GRIN2A: variants seen among roughly 807,000 people sequenced by gnomAD.
The protein encoded by GRIN2A is glutamate receptor ionotropic, NMDA 2A.
In GRIN2A, 22 loss-of-function variants were observed where a neutral mutation model predicts 113.4. The observed-to-expected ratio is 0.19, with a 90% confidence interval of 0.14 to 0.28. GRIN2A has a LOEUF of 0.28. GRIN2A is among the 10% of genes least tolerant of loss of function. GRIN2A has a pLI of 1.00. For missense variants in GRIN2A, 1,502 were observed against 1,887.0 expected, an observed-to-expected ratio of 0.80 and a Z score of 3.78; for synonymous variants, 827 against 738.4, an observed-to-expected ratio of 1.12 and a Z score of -1.94.
intron 2 of GRIN2A, among the ~76,000 whole-genome samples, chr16:9,958,265 A>T (rs1441768982): frequency 6.6e-6 from 1 of 152,192 alleles, no homozygotes; most frequent in Admixed American, 6.5e-5. Context: ...ACCTGAACTT[A>T]CTACTAAATC....
At chr16:9,829,366 GA>G in intron 9 of GRIN2A, 56 bp downstream of exon 9, 1 of 1,095,956 alleles carries the variant, frequency 9.1e-7, no homozygotes, top group Non-Finnish European at 1.4e-6. Flanking sequence ...TCTTCCTCCT[GA>G]AAGGAGAGCA....
rs577724352 is a variant in GRIN2A at position 9,816,727 on chromosome 16, T to C, written c.2168+5537A>G. Among the ~76,000 whole-genome samples, 670 of 152,310 alleles carry C rather than the reference T, an allele frequency of 4.4e-3. 2 individuals carry two copies. The highest frequency in any genetic ancestry group is 8.2e-3 in the Admixed American group (126 of 15,300). The stretch of plus-strand genomic sequence containing the variant: ...CTTCTAGAGTGGATGTTCTTAAAAT[T>C]TGATTAGGGCATATCGGAGTCACCT... On this transcript the variant is annotated intron_variant, in intron 10 of 12. Transcript: ENST00000330684.
In GRIN2A at chr16:9,775,530, G is replaced by A. The variant is rs148110598; in HGVS notation, c.2357-6441C>T. Among the ~76,000 whole-genome samples the A allele has an allele frequency of 4.0e-3, 605 of 152,238 alleles. 2 individuals are homozygous for A. The highest frequency in any genetic ancestry group is 5.7e-3 in the Non-Finnish European group (386 of 68,022). On this transcript the variant is annotated intron_variant, in intron 11 of 12. Coordinates refer to ENST00000330684, the MANE Select transcript of GRIN2A (RefSeq NM_001134407.3). The stretch of plus-strand genomic sequence containing the variant: ...GACAGTCATGAAAACCAGTAGTTAC[G>A]GCAAAATGAGATGATTGGATTTGCA...
At chr16:9,845,709 A>G (rs2042760279) in intron 5 of GRIN2A, among the ~76,000 whole-genome samples, 1 of 152,150 alleles carries the variant, frequency 6.6e-6, no homozygotes, top group African/African-American at 2.4e-5. Flanking sequence ...CTTTGCCCAG[A>G]TATTCACATG....
At chr16:9,820,194 G>C (rs948701942) in intron 10 of GRIN2A, among the ~76,000 whole-genome samples, 1 of 152,090 alleles carries the variant, frequency 6.6e-6, no homozygotes, top group African/African-American at 2.4e-5. Context: ...AACCCATTTT[G>C]TGCTCTGGTT....
chr16:9,787,991 G>T (rs1902335204), intron 11 of GRIN2A, among the ~76,000 whole-genome samples: 1 of 152,168 alleles, frequency 6.6e-6, no homozygotes, highest in Non-Finnish European at 1.5e-5. Flanking sequence ...GTCATCTGGT[G>T]GTCTGTGCCT....
chr16:10,086,196 C>T (rs570873055), intron 2 of GRIN2A, among the ~76,000 whole-genome samples: 7 of 152,148 alleles, frequency 4.6e-5, no homozygotes, highest in Non-Finnish European at 1.0e-4. Flanking sequence ...TGGAGACTCA[C>T]AGCACCTATG....
At chr16:9,800,510 T>C (rs75240294) in intron 10 of GRIN2A, among the ~76,000 whole-genome samples, 4,507 of 152,204 alleles carry the variant, frequency 0.03, 226 homozygotes, top group African/African-American at 0.098. Context: ...TGTGAAACAC[T>C]GCATCTTTTC....
chr16:9,875,914 CT>C (rs1461367228), intron 4 of GRIN2A, among the ~76,000 whole-genome samples: 1 of 152,146 alleles, frequency 6.6e-6, no homozygotes, highest in African/African-American at 2.4e-5. Flanking sequence ...TTTCACAATG[CT>C]GTAACTAGCA....
chr16:9,900,167 G>T (rs1452407274), intron 3 of GRIN2A, among the ~76,000 whole-genome samples: 1 of 152,132 alleles, frequency 6.6e-6, no homozygotes, highest in African/African-American at 2.4e-5. Flanking sequence ...CTAAAATTTG[G>T]GGTCAAAAGC....
chr16:9,973,833 GA>G (rs552461083), intron 2 of GRIN2A, among the ~76,000 whole-genome samples: 1 of 152,156 alleles, frequency 6.6e-6, no homozygotes, highest in African/African-American at 2.4e-5. Context: ...CTTCAAGAAT[GA>G]AAAAGAATTA....
intron 10 of GRIN2A, among the ~76,000 whole-genome samples, chr16:9,811,107 A>C (rs1298246218): frequency 6.6e-6 from 1 of 152,126 alleles, no homozygotes; most frequent in Non-Finnish European, 1.5e-5. Context: ...TTATAATTTT[A>C]CTGTGGGGAG....
In GRIN2A at chr16:10,049,992, G is replaced by A. The variant is rs375481652; in HGVS notation, c.415-111441C>T. On this transcript the variant is annotated intron_variant, in intron 2 of 12. Transcript: ENST00000330684. ...CATACCCATACCATCCTACCTGATA[G>A]GAAGAATAAAGGTCTCCCAATAGAT... 3.3e-5 allele frequency among the ~76,000 whole-genome samples: 5 copies of A among 152,288 alleles called. No individual in the cohort carries two copies. In the East Asian group the frequency reaches 9.6e-4, roughly 29 times the overall value.
At chr16:10,141,210 G>C (rs1007407274) in intron 2 of GRIN2A, among the ~76,000 whole-genome samples, 1 of 151,970 alleles carries the variant, frequency 6.6e-6, no homozygotes. Flanking sequence ...TAAAAAATAG[G>C]CCAGGCACAG....
intron 3 of GRIN2A, among the ~76,000 whole-genome samples, chr16:9,920,377 C>T (rs1003857096): frequency 5.9e-5 from 9 of 152,004 alleles, no homozygotes; most frequent in Non-Finnish European, 8.8e-5. Flanking sequence ...AGACAAACAC[C>T]CTCTCCCAGT....
chr16:9,802,805 G>A (rs1903447033), intron 10 of GRIN2A, among the ~76,000 whole-genome samples: 1 of 152,142 alleles, frequency 6.6e-6, no homozygotes, highest in Non-Finnish European at 1.5e-5. Flanking sequence ...TAGTGCAAAT[G>A]AGTTGTAAAT....
At chr16:10,126,908 G>C (rs2048951345) in intron 2 of GRIN2A, among the ~76,000 whole-genome samples, 1 of 152,140 alleles carries the variant, frequency 6.6e-6, no homozygotes, top group Admixed American at 6.5e-5. Context: ...CCAGCTCTGA[G>C]GACCTTCTGA....
At chr16:9,943,125 A>T (rs1202129193) in intron 2 of GRIN2A, 5 of 152,172 alleles carry the variant, frequency 3.3e-5, no homozygotes, top group Admixed American at 2.0e-4. Flanking sequence ...CCTCTCCTGC[A>T]CTTACCTCCT....
At position 9,757,781 on chromosome 16, in the gene GRIN2A, C is replaced by T. The variant is rs1006191006; in HGVS notation, c.*5368G>A. ...AGACGGTCTCTGAGAAAAGTTTTCT[C>T]TTCTAGGAACTTTAAGACAGGGATT... is the stretch of plus-strand genomic sequence containing the variant. On this transcript the variant is annotated 3_prime_UTR_variant, in exon 13 of 13. Coordinates refer to ENST00000330684, the MANE Select transcript of GRIN2A (RefSeq NM_001134407.3). The T allele has an allele frequency of 4.5e-6, 1 of 219,866 alleles. No individual in the cohort carries two copies. The highest frequency in any genetic ancestry group is 5.8e-5 in the Admixed American group (1 of 17,264). The allele number at this position is 219,866 out of a possible 1,614,324, so 13.6% of individuals were successfully genotyped here. A position where few individuals can be genotyped will look rare whatever the true frequency, so the allele number is the denominator to read the frequency against.
Sources: allele counts gnomAD v4.1 joint callset (sites outside exome capture counted in the v4.1 genomes callset), GRCh38; gene constraint gnomAD v4.1.1; transcripts MANE v1.5; gene names NCBI Gene and HGNC (gene_info 2026-07-23, HGNC 2026-07-21).